The following ST6GAL1 variants were observed in gnomAD, a reference collection of about 807,000 sequenced individuals.
ST6GAL1 encodes ST6 beta-galactoside alpha-2,6-sialyltransferase 1.
In ST6GAL1, 20 loss-of-function variants were observed where a neutral mutation model predicts 38.0. That is an observed-to-expected ratio of 0.53 (90% CI 0.37 to 0.77). The LOEUF (loss-of-function observed/expected upper bound fraction) is 0.77. ST6GAL1 is among the 30% of genes least tolerant of loss of function. The pLI is 0.00. For missense variants in ST6GAL1, 432 were observed against 496.4 expected, an observed-to-expected ratio of 0.87 and a Z score of 1.23; for synonymous variants, 196 against 188.2, an observed-to-expected ratio of 1.04 and a Z score of -0.34.
chr3:187,062,371 T>G (rs1465238370), intron 5 of ST6GAL1, among the ~76,000 whole-genome samples: 1 of 152,160 alleles, frequency 6.6e-6, no homozygotes, highest in Non-Finnish European at 1.5e-5. Context: ...CTTGAAGAGA[T>G]ATTCATACCC....
intron 1 of ST6GAL1, among the ~76,000 whole-genome samples, chr3:186,945,988 CAAAA>C (rs71167026): frequency 1.4e-5 from 1 of 71,478 alleles, no homozygotes; most frequent in African/African-American, 5.4e-5. Context: ...AAGACTCCGT[CAAAA>C]AAAAAAAAAA....
intron 4 of ST6GAL1, among the ~76,000 whole-genome samples, chr3:187,045,529 T>C (rs1418253144): frequency 1.6e-4 from 25 of 152,232 alleles, no homozygotes; most frequent in Admixed American, 1.6e-3. Flanking sequence ...GCTGAGTTCC[T>C]AACATGCCTT....
intron 5 of ST6GAL1, among the ~76,000 whole-genome samples, chr3:187,063,917 T>A (rs1719006678): frequency 6.6e-6 from 1 of 152,194 alleles, no homozygotes. Flanking sequence ...AGGGTTTTTT[T>A]TTAGGATCAA....
intron 2 of ST6GAL1, among the ~76,000 whole-genome samples, chr3:186,997,240 T>A (rs544543868): frequency 6.6e-6 from 1 of 152,270 alleles, no homozygotes; most frequent in African/African-American, 2.4e-5. Flanking sequence ...AGCACTGTCA[T>A]ACGTGTTATC....
rs1448372362 is a variant in ST6GAL1 at position 187,043,452 on chromosome 3, A to G, written c.607+142A>G. ...GGGCAGTGTTTTTTTCAGAGTCACA[A>G]GTGACACAGAGGGAGTTGAACAGAT... is the stretch of plus-strand genomic sequence containing the variant. On this transcript the variant is annotated intron_variant, in intron 4 of 7. Transcript: ENST00000169298. The G allele has an allele frequency of 2.0e-5, 25 of 1,224,888 alleles. 1 individual carries two copies. Among genetic ancestry groups the G allele is most frequent in the Middle Eastern group, 2.9e-4 (1 of 3,424 alleles). 75.9% of individuals were successfully genotyped at this position (1,224,888 alleles called of 1,614,324 possible). A position where few individuals can be genotyped will look rare whatever the true frequency, so the allele number is the denominator to read the frequency against.
At chr3:187,027,823 T>A (rs1717599740) in intron 2 of ST6GAL1, among the ~76,000 whole-genome samples, 3 of 151,728 alleles carry the variant, frequency 2.0e-5, no homozygotes, top group African/African-American at 2.4e-5. Flanking sequence ...TTTCTGTGCA[T>A]AAAGTGGGGC....
chr3:187,017,110 A>T (rs1048753811), intron 2 of ST6GAL1, among the ~76,000 whole-genome samples: 1 of 152,088 alleles, frequency 6.6e-6, no homozygotes, highest in South Asian at 2.1e-4. Context: ...CTGAGCTGTT[A>T]TTGGGCAACA....
chr3:187,024,181 G>A (rs1403339958), intron 2 of ST6GAL1, among the ~76,000 whole-genome samples: 2 of 151,730 alleles, frequency 1.3e-5, no homozygotes, highest in South Asian at 2.1e-4. Context: ...TGCAATCTCC[G>A]CCTCCAGGTT....
chr3:187,004,015 G>A (rs1196604479), intron 2 of ST6GAL1, among the ~76,000 whole-genome samples: 3 of 152,188 alleles, frequency 2.0e-5, no homozygotes, highest in African/African-American at 7.2e-5. Flanking sequence ...CCTGCTGGGA[G>A]GTGTTTGGGT....
chr3:187,038,457 G>A lies in ST6GAL1; in HGVS notation c.-182-285G>A, dbSNP rs116918425. 6.8e-3 allele frequency: 1,031 copies of A among 152,126 alleles called. 29 individuals carry two copies. The East Asian group carries it at 0.095, about 14-fold the overall frequency. The allele number at this position is 152,126 out of a possible 1,614,324, so 9.4% of individuals were successfully genotyped here. A position where few individuals can be genotyped will look rare whatever the true frequency, so the allele number is the denominator to read the frequency against. On this transcript the variant is annotated intron_variant, in intron 2 of 7. Coordinates refer to ENST00000169298, the MANE Select transcript of ST6GAL1 (RefSeq NM_173216.2). ...TCTCCTGTCCTCATGATCCTGATCC[G>A]CCTGCCTCGGCCTCCCAAAGTGCTG... is the stretch of plus-strand genomic sequence containing the variant.
intron 1 of ST6GAL1, among the ~76,000 whole-genome samples, chr3:186,946,441 G>A (rs1714373485): frequency 6.6e-6 from 1 of 151,804 alleles, no homozygotes; most frequent in Admixed American, 6.6e-5. Flanking sequence ...GAGTGCAGTG[G>A]CGCGGTCACT....
At chr3:187,051,170 T>G in intron 4 of ST6GAL1, 79 bp from the exon 5 acceptor site, 1 of 1,158,080 alleles carries the variant, frequency 8.6e-7, no homozygotes. Context: ...CCTTGCCCCC[T>G]CCCCCGCCTC....
At chr3:187,067,875 T>A (rs1719223303) in intron 5 of ST6GAL1, among the ~76,000 whole-genome samples, 1 of 152,106 alleles carries the variant, frequency 6.6e-6, no homozygotes, top group Non-Finnish European at 1.5e-5. Context: ...AAATGATGGG[T>A]CTGAATTTAA....
chr3:187,066,630 G>A (rs1215885794), intron 5 of ST6GAL1, among the ~76,000 whole-genome samples: 2 of 147,798 alleles, frequency 1.4e-5, no homozygotes, highest in Admixed American at 1.4e-4. Flanking sequence ...GTGTGTGTGT[G>A]TTTCTATTCT....
rs9877931 is a variant in ST6GAL1 at position 187,058,049 on chromosome 3, G to C, written c.705+6703G>C. Among the ~76,000 whole-genome samples, 90 of 152,262 alleles carry C rather than the reference G, an allele frequency of 5.9e-4. 1 individual carries two copies. The highest frequency in any genetic ancestry group is 2.0e-3 in the African/African-American group (85 of 41,504). ...GCTGCTGTCTTGCAGGTCGATCTCA[G>C]ACTGCTGCACTAGCAGTGAGCAAGG... On this transcript the variant is annotated intron_variant, in intron 5 of 7. Transcript: ENST00000169298.
intron 1 of ST6GAL1, among the ~76,000 whole-genome samples, chr3:186,953,810 GTT>G (rs36103477): frequency 0.14 from 20,170 of 144,362 alleles, 1,457 homozygotes; most frequent in South Asian, 0.25. Context: ...ACACAGAGAG[GTT>G]TTTTTTTTTT....
chr3:187,016,085 A>T (rs958223008), intron 2 of ST6GAL1, among the ~76,000 whole-genome samples: 1 of 152,318 alleles, frequency 6.6e-6, no homozygotes, highest in Non-Finnish European at 1.5e-5. Flanking sequence ...GGAGGCAATC[A>T]CAGTCACTTT....
chr3:186,930,902 GC>G, intron 1 of ST6GAL1, 68 bp downstream of exon 1: 1 of 153,274 alleles, frequency 6.5e-6, no homozygotes, highest in East Asian at 1.9e-4. Flanking sequence ...ATGCAAAGGG[GC>G]GCGGGAGGAT....
chr3:187,016,754 A>C (rs934697212), intron 2 of ST6GAL1, among the ~76,000 whole-genome samples: 1 of 152,226 alleles, frequency 6.6e-6, no homozygotes. Context: ...GATGTGGGCC[A>C]AGAGCAGAAG....
Sources: gnomAD v4.1 joint callset for allele counts (sites outside exome capture counted in the v4.1 genomes callset) on GRCh38, gnomAD v4.1.1 for gene constraint, MANE v1.5 for transcripts, NCBI Gene and HGNC (gene_info 2026-07-23, HGNC 2026-07-21) for gene names.